Variants in BAZ1A observed in about 807,000 individuals in gnomAD.
The protein encoded by BAZ1A is bromodomain adjacent to zinc finger domain 1A.
Under a neutral mutation model 185.2 loss-of-function variants are expected in BAZ1A, and 50 were observed. The ratio of observed to expected loss-of-function variants is 0.27; its 90% confidence interval spans 0.22 to 0.34. The LOEUF (loss-of-function observed/expected upper bound fraction) is 0.34, where lower values mean the gene tolerates loss of function less well. BAZ1A is among the 10% of genes least tolerant of loss of function. The probability of loss-of-function intolerance (pLI) is 1.00; values close to 1 mark genes in which losing one functional copy is unlikely to be tolerated. For missense variants in BAZ1A, 1,356 were observed against 1,839.9 expected, an observed-to-expected ratio of 0.74 and a Z score of 4.81; for synonymous variants, 571 against 615.6, an observed-to-expected ratio of 0.93 and a Z score of 1.07.
intron 4 of BAZ1A, among the ~76,000 whole-genome samples, chr14:34,811,790 A>G (rs2041933584): frequency 6.6e-6 from 1 of 152,234 alleles, no homozygotes; most frequent in Non-Finnish European, 1.5e-5. Flanking sequence ...TGAAGCATAG[A>G]CTACCCAGTT....
At chr14:34,855,476 T>C (rs1339715189) in intron 3 of BAZ1A, among the ~76,000 whole-genome samples, 2 of 152,226 alleles carry the variant, frequency 1.3e-5, no homozygotes, top group Non-Finnish European at 2.9e-5. Flanking sequence ...GATTTGCTAA[T>C]TGTTCTTTCG....
rs773500177 is a variant in BAZ1A at position 34,836,378 on chromosome 14, C to CAAAAAAAA, written c.393-10230_393-10223dup. 3.0e-4 allele frequency among the ~76,000 whole-genome samples: 4 copies of CAAAAAAAA among 13,130 alleles called. 1 individual carries two copies. The highest frequency in any genetic ancestry group is 6.8e-4 in the African/African-American group (2 of 2,944). 8.6% of individuals were successfully genotyped at this position (13,130 alleles called of 152,430 possible). Reference sequence around the variant, plus strand: ...TGGGCGACAGAGCGAGACTCCGTCTCAAAAAAAAAAAAAAAAAAAAAAAAA... The same window carrying CAAAAAAAA: ...TGGGCGACAGAGCGAGACTCCGTCTCAAAAAAAAAAAAAAAAAAAAAAAAAAAAAAAAA... On this transcript the variant is annotated intron_variant, in intron 3 of 26. Transcript: ENST00000360310.
chr14:34,755,491 C>T (rs1273315789), intron 25 of BAZ1A, among the ~76,000 whole-genome samples: 2 of 152,082 alleles, frequency 1.3e-5, no homozygotes, highest in Non-Finnish European at 2.9e-5. Flanking sequence ...GGGTGTCTAC[C>T]GTATAGCATA....
chr14:34,759,171 G>GTTTTGTTT (rs1555336946), intron 24 of BAZ1A, among the ~76,000 whole-genome samples: 18 of 66,478 alleles, frequency 2.7e-4, no homozygotes, highest in African/African-American at 1.1e-3. Context: ...TACAGCTACA[G>GTTTTGTTT]TTTTTTTTTT....
intron 3 of BAZ1A, among the ~76,000 whole-genome samples, chr14:34,848,459 C>T (rs1262852330): frequency 1.3e-5 from 2 of 152,066 alleles, no homozygotes; most frequent in Non-Finnish European, 2.9e-5. Flanking sequence ...AAAAATTAGC[C>T]GGGCATGGTG....
intron 6 of BAZ1A, 82 bp from the exon 7 acceptor site, chr14:34,803,070 A>G (rs1187138805): frequency 1.5e-5 from 21 of 1,374,326 alleles, no homozygotes; most frequent in Non-Finnish European, 2.1e-5. Flanking sequence ...TCATATGGCC[A>G]CTATTAATGC....
chr14:34,795,700 A>G lies in BAZ1A; in HGVS notation c.1194T>C (p.Pro398=). The G allele has an allele frequency of 6.2e-7, 1 of 1,612,772 alleles. No individual in the cohort carries two copies. Among genetic ancestry groups the G allele is most frequent in the African/African-American group, 1.3e-5 (1 of 75,018 alleles). ...GGTCATCACATTCCATATCTTCTCTAGGTTTACTCCACTGTTTTAAGTATT... is the reference window on the plus strand; with the variant it reads ...GGTCATCACATTCCATATCTTCTCTGGGTTTACTCCACTGTTTTAAGTATT... ...YVEYLKQWSK[P]REDMECDDLK... Residue 398 remains proline, a synonymous_variant, in exon 10 of 27, where the codon CCT becomes CCC. Transcript: ENST00000360310.
At chr14:34,788,493 G>A (rs1045925731) in intron 12 of BAZ1A, among the ~76,000 whole-genome samples, 21 of 151,822 alleles carry the variant, frequency 1.4e-4, no homozygotes, top group Admixed American at 3.3e-4. Flanking sequence ...TTGTAGAGGC[G>A]GGGTTTTGCC....
intron 4 of BAZ1A, among the ~76,000 whole-genome samples, chr14:34,824,963 A>C (rs1045676920): frequency 1.3e-5 from 2 of 152,222 alleles, no homozygotes; most frequent in African/African-American, 4.8e-5. Context: ...GAGCTAAAAC[A>C]TGTAAAAGAA....
At chr14:34,861,682 A>G (rs1026117789) in intron 3 of BAZ1A, among the ~76,000 whole-genome samples, 4 of 152,212 alleles carry the variant, frequency 2.6e-5, no homozygotes, top group African/African-American at 9.6e-5. Flanking sequence ...TAAATTAAAG[A>G]GAAGGAAGGT....
chr14:34,848,427 G>T (rs1005899148), intron 3 of BAZ1A, among the ~76,000 whole-genome samples: 1 of 152,042 alleles, frequency 6.6e-6, no homozygotes, highest in Non-Finnish European at 1.5e-5. Context: ...CCAACATGGT[G>T]AAACCTCGTC....
At chr14:34,845,875 A>G (rs900872320) in intron 3 of BAZ1A, among the ~76,000 whole-genome samples, 44 of 112,538 alleles carry the variant, frequency 3.9e-4, no homozygotes, top group East Asian at 8.0e-4. Flanking sequence ...AAAAAAAAAA[A>G]AAAAGAAAAG....
chr14:34,845,911 T>C (rs1973944), intron 3 of BAZ1A, among the ~76,000 whole-genome samples: 90,650 of 148,194 alleles, frequency 0.61, 27,501 homozygotes, highest in South Asian at 0.68. Context: ...TATGGCCCAA[T>C]AGGAATGGAT....
At chr14:34,857,066 G>A (rs2042693307) in intron 3 of BAZ1A, among the ~76,000 whole-genome samples, 2 of 150,270 alleles carry the variant, frequency 1.3e-5, no homozygotes, top group Admixed American at 1.3e-4. Context: ...GAGTGCAGTG[G>A]CGCAATCTCG....
chr14:34,818,029 C>A (rs1023648773), intron 4 of BAZ1A, among the ~76,000 whole-genome samples: 1 of 152,078 alleles, frequency 6.6e-6, no homozygotes, highest in Non-Finnish European at 1.5e-5. Flanking sequence ...CAAGCAGATC[C>A]CTATATGCCA....
chr14:34,832,378 T>G (rs1295165586), intron 3 of BAZ1A, among the ~76,000 whole-genome samples: 2 of 150,512 alleles, frequency 1.3e-5, no homozygotes, highest in African/African-American at 4.9e-5. Context: ...CCTAATTCAT[T>G]CTATAAGGCC....
chr14:34,798,262 G>C (rs1162279233), intron 9 of BAZ1A, among the ~76,000 whole-genome samples: 1 of 152,276 alleles, frequency 6.6e-6, no homozygotes, highest in African/African-American at 2.4e-5. Flanking sequence ...CACCGCTGGG[G>C]GCAGGGTGTA....
intron 3 of BAZ1A, among the ~76,000 whole-genome samples, chr14:34,833,523 A>G (rs929563172): frequency 8.5e-5 from 13 of 152,190 alleles, no homozygotes; most frequent in African/African-American, 3.1e-4. Context: ...GCGAGACTCC[A>G]TCTCACAAAA....
At chr14:34,844,045 A>G (rs960383325) in intron 3 of BAZ1A, among the ~76,000 whole-genome samples, 118 of 151,050 alleles carry the variant, frequency 7.8e-4, no homozygotes, top group African/African-American at 2.7e-3. Flanking sequence ...CTCTACTAAA[A>G]AATACAAAAA....
Sources: gnomAD v4.1 joint callset for allele counts (sites outside exome capture counted in the v4.1 genomes callset) on GRCh38, gnomAD v4.1.1 for gene constraint, MANE v1.5 for transcripts, NCBI Gene and HGNC (gene_info 2026-07-23, HGNC 2026-07-21) for gene names.